ZNF765: variants seen among roughly 807,000 people sequenced by gnomAD.
ZNF765 encodes the protein zinc finger protein 765.
ZNF765 carries 37 observed loss-of-function variants against 44.7 expected under a neutral mutation model. That is an observed-to-expected ratio of 0.83 (90% CI 0.64 to 1.09). The LOEUF is 1.09. Ranked by LOEUF, ZNF765 falls within the 50% of genes least tolerant of loss-of-function variation. ZNF765 has a pLI of 0.00. For synonymous variants in ZNF765, 201 were observed against 213.7 expected, an observed-to-expected ratio of 0.94 and a Z score of 0.52; for missense variants, 594 against 626.1, an observed-to-expected ratio of 0.95 and a Z score of 0.55.
rs1422884552 is a variant in ZNF765, at chr19:53,427,264, AAAG to A, written c.*4165_*4167del. ...TGGTCATTTTGATTTTTAAAATTAA[AAAG>A]AATTTTAATTCTCATATTGTTTTGA... On this transcript the variant is annotated 3_prime_UTR_variant, in exon 4 of 4. Transcript: ENST00000594030. The A allele has an allele frequency of 1.2e-4, 17 of 143,168 alleles. No individual in the cohort carries two copies. The South Asian group carries it at 3.2e-3, about 27-fold the overall frequency. The allele number at this position is 143,168 out of a possible 1,614,324, so 8.9% of individuals were successfully genotyped here.
At chr19:53,399,207 G>A (rs2085698675) in intron 2 of ZNF765, among the ~76,000 whole-genome samples, 2 of 150,362 alleles carry the variant, frequency 1.3e-5, no homozygotes, top group Admixed American at 6.6e-5. Context: ...TTAGCATTAG[G>A]TATATCTCCT....
Position 53,410,075 on chromosome 19 carries a change from C to A in ZNF765, c.*948C>A, listed in dbSNP as rs749831605. 4 of 428,838 alleles carry A rather than the reference C, an allele frequency of 9.3e-6. No individual in the cohort carries two copies. The highest frequency in any genetic ancestry group is 3.6e-5 in the South Asian group (2 of 56,310). The allele number at this position is 428,838 out of a possible 1,614,324, so 26.6% of individuals were successfully genotyped here. Reference sequence around the variant, plus strand: ...TACCTTTGCAGTTCATGGGTGAAGTCGTATTAGAAACCTTACAAATGTGAA... The same window carrying A: ...TACCTTTGCAGTTCATGGGTGAAGTAGTATTAGAAACCTTACAAATGTGAA... On this transcript the variant is annotated 3_prime_UTR_variant, in exon 4 of 4. Coordinates refer to ENST00000396408, the MANE Select transcript of ZNF765 (RefSeq NM_001040185.3).
intron 3 of ZNF765, among the ~76,000 whole-genome samples, chr19:53,404,944 G>A (rs1482445695): frequency 2.6e-5 from 4 of 152,176 alleles, no homozygotes; most frequent in Admixed American, 2.0e-4. Flanking sequence ...CTGGCCACCC[G>A]AGGTGGCTCA....
chr19:53,395,900 T>C (rs2085663240), intron 1 of ZNF765, among the ~76,000 whole-genome samples: 1 of 150,548 alleles, frequency 6.6e-6, no homozygotes, highest in Admixed American at 6.6e-5. Context: ...CGTAGAGCAG[T>C]AGAAAACCTG....
intron 2 of ZNF765, 130 bp downstream of exon 2, chr19:53,398,160 T>C: frequency 6.6e-7 from 1 of 1,522,990 alleles, no homozygotes; most frequent in Non-Finnish European, 9.1e-7. Flanking sequence ...CATGCCTTCC[T>C]TCATTCCCTC....
exon 4 of ZNF765, chr19:53,426,644 GC>G (rs1478864928): frequency 6.6e-6 from 1 of 152,292 alleles, no homozygotes; most frequent in Non-Finnish European, 1.5e-5. Flanking sequence ...GATCAGCAGC[GC>G]CACTGCATCT....
At chr19:53,396,215 A>G (rs1234188165) in intron 1 of ZNF765, among the ~76,000 whole-genome samples, 10 of 151,884 alleles carry the variant, frequency 6.6e-5, no homozygotes, top group South Asian at 4.1e-4. Context: ...CAGGGAGGAC[A>G]CCTGGGGATC....
chr19:53,404,449 ATTTC>A (rs1053794878), intron 3 of ZNF765, among the ~76,000 whole-genome samples: 1 of 151,198 alleles, frequency 6.6e-6, no homozygotes, highest in Non-Finnish European at 1.5e-5. Flanking sequence ...GAATTCTTTC[ATTTC>A]TTTCTTTTTT....
chr19:53,406,123 G>A (rs1425075325), intron 3 of ZNF765, among the ~76,000 whole-genome samples: 4 of 149,240 alleles, frequency 2.7e-5, no homozygotes, highest in African/African-American at 7.4e-5. Flanking sequence ...CCACCTCCTG[G>A]GTTCAAATGA....
At position 53,407,731 on chromosome 19, in the gene ZNF765, C is replaced by A; in HGVS notation, c.176C>A (p.Ser59Ter). Residue 59 changes from serine to a stop codon, truncating the protein, a stop_gained, in exon 4 of 4, where the codon TCG (serine) becomes TAG (stop). Coordinates refer to ENST00000396408, the MANE Select transcript of ZNF765 (RefSeq NM_001040185.3). LOFTEE classifies it high-confidence loss of function. ...ISSKCMMKEF[S>*]STAQGNREVF... The stretch of plus-strand genomic sequence containing the variant: ...TCCAAATGCATGATGAAGGAGTTCT[C>A]GTCAACAGCACAAGGCAATAGAGAA... 6.4e-7 allele frequency: 1 copy of A among 1,567,872 alleles called. No individual in the cohort carries two copies.
At chr19:53,414,615 T>G (rs1000217926), downstream of ZNF765, among the ~76,000 whole-genome samples, 1 of 150,958 alleles carries the variant, frequency 6.6e-6, no homozygotes, top group East Asian at 2.0e-4. Context: ...TTTTCTGGCC[T>G]TCTACGGGAT....
chr19:53,421,074 T>A (rs1464410587), intron 3 of ZNF765, among the ~76,000 whole-genome samples: 1 of 152,210 alleles, frequency 6.6e-6, no homozygotes, highest in Admixed American at 6.5e-5. Context: ...TATGTTCTAT[T>A]TACTGAGATA....
At position 53,401,433 on chromosome 19, in the gene ZNF765, G is replaced by A. The variant is rs1233871106; in HGVS notation, c.16-632G>A. Among the ~76,000 whole-genome samples, 7 of 152,016 alleles carry A rather than the reference G, an allele frequency of 4.6e-5. No individual in the cohort carries two copies. The South Asian group carries it at 1.0e-3, about 22-fold the overall frequency. ...AAAAAATTAGCTGGGCGTGGTGGTG[G>A]GCGCCTGTAGTCCCAGCTACTCGGG... On this transcript the variant is annotated intron_variant, in intron 2 of 3. Transcript: ENST00000396408.
At chr19:53,414,952 G>A (rs2085866075), downstream of ZNF765, among the ~76,000 whole-genome samples, 2 of 152,168 alleles carry the variant, frequency 1.3e-5, no homozygotes, top group African/African-American at 4.8e-5. Flanking sequence ...TAAAAAATGC[G>A]TAGATCTATT....
At chr19:53,425,547 A>C (rs1170108304) in exon 4 of ZNF765, 1 of 152,244 alleles carries the variant, frequency 6.6e-6, no homozygotes, top group Non-Finnish European at 1.5e-5. Context: ...CCTGGGCTCA[A>C]GTGATCTGCC....
At chr19:53,420,539 A>G (rs1056454619) in intron 3 of ZNF765, among the ~76,000 whole-genome samples, 2 of 152,194 alleles carry the variant, frequency 1.3e-5, no homozygotes, top group Admixed American at 6.5e-5. Flanking sequence ...ATTGTGGGGA[A>G]AAGAAGGAGA....
At position 53,409,203 on chromosome 19, in the gene ZNF765, C is replaced by A; in HGVS notation, c.*76C>A. The A allele has an allele frequency of 1.5e-6, 2 of 1,334,298 alleles. No homozygotes were observed. Among genetic ancestry groups the A allele is most frequent in the Non-Finnish European group, 2.1e-6 (2 of 930,518 alleles). 82.7% of individuals were successfully genotyped at this position (1,334,298 alleles called of 1,614,324 possible). ...GGCTTCATAGTGGAGAGAAACCTTA[C>A]AAATATGAAGAACTTGACAAAGCTT... On this transcript the variant is annotated 3_prime_UTR_variant, in exon 4 of 4. Transcript: ENST00000396408.
chr19:53,409,853 G>C lies in ZNF765; in HGVS notation c.*726G>C. 1.5e-6 allele frequency: 1 copy of C among 669,596 alleles called. No individual in the cohort carries two copies. Among genetic ancestry groups the C allele is most frequent in the East Asian group, 3.2e-5 (1 of 30,914 alleles). The allele number at this position is 669,596 out of a possible 1,614,324, so 41.5% of individuals were successfully genotyped here. ...TACGCACCATCGTAGACTTCATACTGGAGAGGTACCTTACAAGGATAATGA... is the reference window on the plus strand; with the variant it reads ...TACGCACCATCGTAGACTTCATACTCGAGAGGTACCTTACAAGGATAATGA... On this transcript the variant is annotated 3_prime_UTR_variant, in exon 4 of 4. Coordinates refer to ENST00000396408, the MANE Select transcript of ZNF765 (RefSeq NM_001040185.3).
intron 3 of ZNF765, among the ~76,000 whole-genome samples, chr19:53,404,784 A>T (rs1309915126): frequency 2.6e-5 from 4 of 152,160 alleles, no homozygotes; most frequent in Admixed American, 2.6e-4. Flanking sequence ...TAAAACACGT[A>T]ATTGCTATAG....
Sources: allele counts gnomAD v4.1 joint callset (sites outside exome capture counted in the v4.1 genomes callset), GRCh38; gene constraint gnomAD v4.1.1; transcripts MANE v1.5; gene names NCBI Gene and HGNC (gene_info 2026-07-23, HGNC 2026-07-21).